The following ZNF729 variants were observed in gnomAD, a reference collection of about 807,000 sequenced individuals.
ZNF729 encodes zinc finger protein 729.
In ZNF729, 15 loss-of-function variants were observed where a neutral mutation model predicts 12.2. That is an observed-to-expected ratio of 1.23 (90% CI 0.82 to 1.89). ZNF729 has a LOEUF of 1.89. ZNF729 is among the 40% of genes most tolerant of loss of function. ZNF729 has a pLI of 0.00. For missense variants in ZNF729, 1,540 were observed against 1,456.7 expected, an observed-to-expected ratio of 1.06 and a Z score of -0.93; for synonymous variants, 492 against 476.3, an observed-to-expected ratio of 1.03 and a Z score of -0.43.
intron 1 of ZNF729, among the ~76,000 whole-genome samples, chr19:22,294,284 G>T (rs1440407261): frequency 6.6e-6 from 1 of 152,144 alleles, no homozygotes; most frequent in African/African-American, 2.4e-5. Context: ...TAGGCGTGTG[G>T]CATTATTTCT....
Position 22,313,835 on chromosome 19 carries a change from A to G in ZNF729, c.418A>G (p.Asn140Asp), listed in dbSNP as rs866218483. The G allele has an allele frequency of 1.1e-5, 18 of 1,581,878 alleles. No individual in the cohort carries two copies. Among genetic ancestry groups the G allele is most frequent in the African/African-American group, 9.4e-5 (7 of 74,324 alleles). ...GGGTAAGATGCACAAAGAAGGTTAT[A>G]ATAAACTTAACCAATGCAGGACAGC... ...NEGKMHKEGY[N>D]KLNQCRTATQ... is the part of the protein sequence containing the mutation. Residue 140 changes from asparagine to aspartate, a missense_variant, in exon 4 of 4, where the codon AAT (asparagine) becomes GAT (aspartate). By Grantham distance (23) the Asn-to-Asp change is conservative (BLOSUM62 1). Transcript: ENST00000601693.
At chr19:22,305,629 A>G (rs1968368853) in intron 3 of ZNF729, among the ~76,000 whole-genome samples, 2 of 152,138 alleles carry the variant, frequency 1.3e-5, no homozygotes, top group South Asian at 2.1e-4. Context: ...TATTGTGTCC[A>G]ATATAATTAT....
rs747042713 is a variant in ZNF729 at position 22,316,108 on chromosome 19, A to G, written c.2691A>G (p.Val897=). 138 of 1,609,366 alleles carry G rather than the reference A, an allele frequency of 8.6e-5. 1 individual carries two copies. In the African/African-American group the frequency reaches 1.1e-3, roughly 13 times the overall value. Residue 897 remains valine, a synonymous_variant, in exon 4 of 4, where the codon GTA becomes GTG. Coordinates refer to ENST00000601693, the MANE Select transcript of ZNF729 (RefSeq NM_001242680.2). ...KAFKWLSKLT[V]HKVIHTAEKP... is the part of the protein sequence containing the mutation. ...TTAAGTGGTTGTCAAAACTTACTGT[A>G]CATAAGGTAATTCATACTGCAGAGA...
chr19:22,286,631 C>T (rs1192713628), intron 1 of ZNF729, 76 bp downstream of exon 1: 1 of 1,574,980 alleles, frequency 6.3e-7, no homozygotes. Flanking sequence ...TGTGGCGGGA[C>T]TCCGGCCTCC....
At chr19:22,287,389 CCTGAGTAG>C (rs1189396889) in intron 1 of ZNF729, among the ~76,000 whole-genome samples, 1 of 151,926 alleles carries the variant, frequency 6.6e-6, no homozygotes, top group African/African-American at 2.4e-5. Context: ...ACCTCAGCTT[CCTGAGTAG>C]CTGGGATTAC....
At chr19:22,297,516 G>A (rs1054477339) in intron 1 of ZNF729, among the ~76,000 whole-genome samples, 4 of 151,760 alleles carry the variant, frequency 2.6e-5, no homozygotes, top group Non-Finnish European at 5.9e-5. Flanking sequence ...TAGATTTTAT[G>A]TAGATATTTT....
At chr19:22,300,286 T>G (rs1239714518) in intron 1 of ZNF729, among the ~76,000 whole-genome samples, 1 of 152,226 alleles carries the variant, frequency 6.6e-6, no homozygotes, top group East Asian at 1.9e-4. Context: ...TTTCTACTTG[T>G]GAACTAATTA....
At position 22,315,848 on chromosome 19, in the gene ZNF729, C is replaced by T. The variant is rs1483117638; in HGVS notation, c.2431C>T (p.Leu811Phe). ...CGKAFKWSSK[L>F]TVHKVIHTGE... is the part of the protein sequence containing the mutation. ...TAAAGCTTTTAAGTGGTCCTCAAAG[C>T]TTACTGTACATAAGGTAATTCATAC... Residue 811 changes from leucine to phenylalanine, a missense_variant, in exon 4 of 4, where the codon CTT becomes TTT. Leu to Phe is a conservative substitution (Grantham distance 22). Coordinates refer to ENST00000601693, the MANE Select transcript of ZNF729 (RefSeq NM_001242680.2). 1.2e-6 allele frequency: 2 copies of T among 1,611,026 alleles called. No individual in the cohort carries two copies. The highest frequency in any genetic ancestry group is 1.7e-6 in the Non-Finnish European group (2 of 1,179,684).
chr19:22,317,024 C>A lies in ZNF729; in HGVS notation c.3607C>A (p.Leu1203Ile), dbSNP rs761461677. 6.8e-6 allele frequency: 11 copies of A among 1,610,852 alleles called. No homozygotes were observed. The highest frequency in any genetic ancestry group is 1.7e-4 in the Middle Eastern group (1 of 6,052). ...CGKAFIQCSY[L>I]IRHKTIHTRE... ...CAAAGCTTTTATTCAGTGCTCATAC[C>A]TTATTAGACATAAAACAATTCATAC... The change falls in exon 4 of 4, where the codon CTT becomes ATT. Residue 1203 changes from leucine (L) to isoleucine (I), a missense_variant. Coordinates refer to ENST00000601693, the MANE Select transcript of ZNF729 (RefSeq NM_001242680.2).
chr19:22,297,407 C>T (rs1358106090), intron 1 of ZNF729, among the ~76,000 whole-genome samples: 1 of 151,426 alleles, frequency 6.6e-6, no homozygotes, highest in African/African-American at 2.4e-5. Flanking sequence ...TATCAAAAGA[C>T]CTGGCTTTTG....
At position 22,313,942 on chromosome 19, in the gene ZNF729, T is replaced by C. The variant is rs2145057942; in HGVS notation, c.525T>C (p.Thr175=). The C allele has an allele frequency of 1.3e-6, 2 of 1,534,974 alleles. No homozygotes were observed. Among genetic ancestry groups the C allele is most frequent in the East Asian group, 2.4e-5 (1 of 40,842 alleles). ...CAAATAGAAATAAGGTTAGACACAC[T>C]AAAAAGAAAACTTTCAAATGTATAA... ...KYSNRNKVRH[T]KKKTFKCIKC... is the part of the protein sequence containing the mutation. Residue 175 remains threonine (T), a synonymous_variant, in exon 4 of 4, where the codon ACT becomes ACC. Transcript: ENST00000601693.
intron 3 of ZNF729, among the ~76,000 whole-genome samples, chr19:22,310,952 C>G (rs1468562772): frequency 6.6e-6 from 1 of 152,100 alleles, no homozygotes; most frequent in African/African-American, 2.4e-5. Flanking sequence ...TTACCCATTT[C>G]TTTTAGGTTT....
chr19:22,298,318 T>C (rs1038291688), intron 1 of ZNF729, among the ~76,000 whole-genome samples: 11 of 152,050 alleles, frequency 7.2e-5, no homozygotes, highest in East Asian at 1.9e-4. Flanking sequence ...ATAAAAAATA[T>C]AGTGTTTTAA....
Position 22,315,102 on chromosome 19 carries a change from A to C in ZNF729, c.1685A>C (p.His562Pro). 6.2e-7 allele frequency: 1 copy of C among 1,611,024 alleles called. No homozygotes were observed. The highest frequency in any genetic ancestry group is 8.5e-7 in the Non-Finnish European group (1 of 1,179,612). The change falls in exon 4 of 4, where the codon CAT (histidine) becomes CCT (proline). Residue 562 changes from histidine to proline, a missense_variant. By Grantham distance (77) the His-to-Pro change is moderately conservative. Transcript: ENST00000601693. ...AFKWSSKLTVHKVIHTGEKPC... is the reference protein window; with the variant it reads ...AFKWSSKLTVPKVIHTGEKPC... ...AAGTGGTCATCAAAACTTACTGTAC[A>C]TAAGGTAATTCATACTGGAGAGAAA...
Position 22,315,253 on chromosome 19 carries a change from C to G in ZNF729, c.1836C>G (p.Ser612=). The G allele has an allele frequency of 6.2e-7, 1 of 1,612,074 alleles. No individual in the cohort carries two copies. Among genetic ancestry groups the G allele is most frequent in the Non-Finnish European group, 8.5e-7 (1 of 1,179,384 alleles). The change falls in exon 4 of 4, where the codon TCC becomes TCG. Residue 612 remains serine (S), a synonymous_variant. Transcript: ENST00000601693. The part of the protein sequence containing the change: ...CEECGKAFNN[S]SILAKHKIIH... ...AATGTGGCAAAGCTTTTAACAATTC[C>G]TCAATCCTTGCTAAACATAAGATAA... is the stretch of plus-strand genomic sequence containing the variant.
chr19:22,286,658 A>G, intron 1 of ZNF729, 103 bp downstream of exon 1: 2 of 1,421,766 alleles, frequency 1.4e-6, no homozygotes, highest in Non-Finnish European at 2.0e-6. Flanking sequence ...TCAGCTCCAC[A>G]ATCTGCGCCT....
intron 1 of ZNF729, among the ~76,000 whole-genome samples, chr19:22,288,227 T>C (rs946662663): frequency 7.2e-5 from 11 of 152,238 alleles, no homozygotes; most frequent in African/African-American, 2.2e-4. Context: ...TTTCCTAATA[T>C]TTGTTTTCTG....
At chr19:22,295,036 ATTTG>A (rs773817972) in intron 1 of ZNF729, among the ~76,000 whole-genome samples, 18 of 91,290 alleles carry the variant, frequency 2.0e-4, no homozygotes, top group Admixed American at 2.4e-4. Context: ...ACTCCTAGAT[ATTTG>A]TGTGTGTGTG....
At chr19:22,290,399 G>C (rs1293447411) in intron 1 of ZNF729, among the ~76,000 whole-genome samples, 1 of 152,132 alleles carries the variant, frequency 6.6e-6, no homozygotes, top group East Asian at 1.9e-4. Context: ...GTTGGAAAAA[G>C]AATTGAATTC....
Sources: gnomAD v4.1 joint callset for allele counts (sites outside exome capture counted in the v4.1 genomes callset) on GRCh38, gnomAD v4.1.1 for gene constraint, MANE v1.5 for transcripts, NCBI Gene and HGNC (gene_info 2026-07-23, HGNC 2026-07-21) for gene names.